Variants in NECTIN3 observed in about 807,000 individuals in gnomAD.
The protein encoded by NECTIN3 is nectin-3.
Under a neutral mutation model 49.4 loss-of-function variants are expected in NECTIN3, and 8 were observed. The observed-to-expected ratio is 0.16, with a 90% CI of 0.10 to 0.29. The LOEUF (loss-of-function observed/expected upper bound fraction) is 0.29. Ranked by LOEUF, NECTIN3 falls within the 10% of genes least tolerant of loss-of-function variation. The pLI, the probability that NECTIN3 is intolerant of heterozygous loss-of-function variation, is 1.00. For missense variants in NECTIN3, 581 were observed against 654.6 expected, an observed-to-expected ratio of 0.89 and a Z score of 1.23; for synonymous variants, 277 against 241.1, an observed-to-expected ratio of 1.15 and a Z score of -1.38.
chr3:111,072,262 C>G, intron 1 of NECTIN3, 85 bp downstream of exon 1: 1 of 1,474,280 alleles, frequency 6.8e-7, no homozygotes, highest in East Asian at 2.5e-5. Context: ...CAGCCGTTCT[C>G]TGGAGCAGCG....
chr3:111,154,307 A>G (rs556958862), intron 7 of NECTIN3, among the ~76,000 whole-genome samples: 25 of 152,228 alleles, frequency 1.6e-4, no homozygotes, highest in East Asian at 5.8e-4. Flanking sequence ...CTTTCACTCT[A>G]CATAGTGATT....
At chr3:111,093,430 T>G (rs1015166249) in intron 1 of NECTIN3, among the ~76,000 whole-genome samples, 5 of 150,818 alleles carry the variant, frequency 3.3e-5, no homozygotes, top group African/African-American at 9.7e-5. Flanking sequence ...TGTTGGGTTT[T>G]TTTTTTTTTT....
chr3:111,134,665 A>G lies in NECTIN3; in HGVS notation c.*450A>G, dbSNP rs1439487109. On this transcript the variant is annotated 3_prime_UTR_variant, in exon 6 of 6. Transcript: ENST00000485303. ...TGACACTGCATCAAAATTGACTATAAAACTAATTCAAGAAATATTTATATA... is the reference window on the plus strand; with the variant it reads ...TGACACTGCATCAAAATTGACTATAGAACTAATTCAAGAAATATTTATATA... The G allele has an allele frequency of 2.3e-6, 2 of 857,196 alleles. No homozygotes were observed. Among genetic ancestry groups the G allele is most frequent in the Admixed American group, 6.2e-5 (1 of 16,032 alleles). 53.1% of individuals were successfully genotyped at this position (857,196 alleles called of 1,614,324 possible). A position where few individuals can be genotyped will look rare whatever the true frequency, so the allele number is the denominator to read the frequency against.
intron 7 of NECTIN3, among the ~76,000 whole-genome samples, chr3:111,183,743 T>C (rs777909400): frequency 6.6e-6 from 1 of 152,186 alleles, no homozygotes; most frequent in Non-Finnish European, 1.5e-5. Flanking sequence ...GCTTTATTTC[T>C]CTGATTAAAC....
chr3:111,117,553 G>A (rs575468325), intron 2 of NECTIN3, among the ~76,000 whole-genome samples: 3 of 152,002 alleles, frequency 2.0e-5, no homozygotes, highest in Admixed American at 1.3e-4. Context: ...TCTTATGAAA[G>A]GAACTACATA....
chr3:111,171,190 C>T (rs900455569), intron 7 of NECTIN3, among the ~76,000 whole-genome samples: 6 of 152,174 alleles, frequency 3.9e-5, no homozygotes, highest in African/African-American at 1.4e-4. Flanking sequence ...TTCATTAGTG[C>T]CACCATCTAT....
intron 1 of NECTIN3, among the ~76,000 whole-genome samples, chr3:111,080,377 G>A (rs1199658324): frequency 6.6e-6 from 1 of 151,948 alleles, no homozygotes; most frequent in Non-Finnish European, 1.5e-5. Flanking sequence ...GGTGAAATTT[G>A]TATTTGGCAT....
chr3:111,185,081 G>T (rs1467444084), intron 7 of NECTIN3, among the ~76,000 whole-genome samples: 1 of 152,296 alleles, frequency 6.6e-6, no homozygotes, highest in East Asian at 1.9e-4. Flanking sequence ...TCTTTGCTCT[G>T]TGCATGCCCA....
In NECTIN3 at chr3:111,149,459, ATGTGTGTGTGTGTGTGTGTG is replaced by A. The variant is rs56219611; in HGVS notation, c.1221+2005_1221+2024del. 4.0e-3 allele frequency among the ~76,000 whole-genome samples: 518 copies of A among 128,402 alleles called. 2 individuals carry two copies. Among genetic ancestry groups the A allele is most frequent in the African/African-American group, 0.014 (492 of 36,038 alleles). The allele number at this position is 128,402 out of a possible 152,430, so 84.2% of individuals were successfully genotyped here. ...CCAGATAAGCCTCTATTCTGGTAGG[ATGTGTGTGTGTGTGTGTGTG>A]TGTGTGTGTGTGTGTGTGTGTGTGT... On this transcript the variant is annotated intron_variant, in intron 7 of 8. Coordinates refer to the NECTIN3 transcript ENST00000493615.
chr3:111,113,186 T>G (rs1001401480), intron 2 of NECTIN3, among the ~76,000 whole-genome samples: 1 of 152,158 alleles, frequency 6.6e-6, no homozygotes, highest in African/African-American at 2.4e-5. Flanking sequence ...GAGGCAGTGG[T>G]AGCCAGGGGT....
intron 1 of NECTIN3, among the ~76,000 whole-genome samples, chr3:111,075,400 C>T (rs1489140301): frequency 6.6e-6 from 1 of 151,868 alleles, no homozygotes; most frequent in Non-Finnish European, 1.5e-5. Context: ...GTTATTTAAC[C>T]TTGGAAACTT....
At chr3:111,172,290 A>G (rs2035448994) in intron 7 of NECTIN3, among the ~76,000 whole-genome samples, 1 of 152,144 alleles carries the variant, frequency 6.6e-6, no homozygotes, top group Non-Finnish European at 1.5e-5. Context: ...CACACATCAT[A>G]TATTGTTCTG....
At chr3:111,127,465 C>CTTTTTTTT (rs35153084) in intron 5 of NECTIN3, among the ~76,000 whole-genome samples, 3 of 101,160 alleles carry the variant, frequency 3.0e-5, no homozygotes, top group Non-Finnish European at 6.7e-5. Context: ...TGCAAACTTT[C>CTTTTTTTT]TTTTTTTTTT....
rs139502141 is a variant in NECTIN3, at chr3:111,133,776, C to A, written c.1211C>A (p.Thr404Lys). 1.2e-6 allele frequency: 2 copies of A among 1,613,952 alleles called. No individual in the cohort carries two copies. The highest frequency in any genetic ancestry group is 8.5e-7 in the Non-Finnish European group (1 of 1,179,876). Reference protein sequence around the residue: ...LATIKDDTIATIIASVVGGAL... With the variant: ...LATIKDDTIAKIIASVVGGAL... ...ACAATTAAGGATGACACAATTGCCA[C>A]GATCATTGCTAGTGTAGTGGGTGGG... is the stretch of plus-strand genomic sequence containing the variant. The change falls in exon 6 of 6, where the codon ACG becomes AAG. Residue 404 changes from threonine (T) to lysine (K), a missense_variant. Thr to Lys is a moderately conservative substitution (Grantham distance 78). Around this residue, in one of 3 missense-constraint regions of NECTIN3, gnomAD observed 238 missense variants for 244.9 expected, o/e 0.97. Coordinates refer to ENST00000485303, the MANE Select transcript of NECTIN3 (RefSeq NM_015480.3).
chr3:111,155,005 T>G (rs1317679008), intron 7 of NECTIN3, among the ~76,000 whole-genome samples: 1 of 152,164 alleles, frequency 6.6e-6, no homozygotes, highest in Non-Finnish European at 1.5e-5. Context: ...GGGTGCAATC[T>G]TGGCTCACTG....
At chr3:111,148,984 A>G (rs1335445243) in intron 7 of NECTIN3, among the ~76,000 whole-genome samples, 3 of 152,126 alleles carry the variant, frequency 2.0e-5, no homozygotes, top group Non-Finnish European at 4.4e-5. Flanking sequence ...TTAGAAAACT[A>G]ATAGTTTTAT....
At chr3:111,145,393 A>T (rs2034848940) in intron 6 of NECTIN3, among the ~76,000 whole-genome samples, 1 of 152,202 alleles carries the variant, frequency 6.6e-6, no homozygotes, top group Non-Finnish European at 1.5e-5. Flanking sequence ...TGAAGTTTTA[A>T]TGGCTTCTTC....
intron 7 of NECTIN3, among the ~76,000 whole-genome samples, chr3:111,154,948 C>CT (rs1272641291): frequency 6.6e-6 from 1 of 151,692 alleles, no homozygotes; most frequent in African/African-American, 2.4e-5. Context: ...TTAACAGTGA[C>CT]TTTTTTTTGA....
At position 111,133,769 on chromosome 3, in the gene NECTIN3, A is replaced by G. The variant is rs373638334; in HGVS notation, c.1204A>G (p.Ile402Val). 1.4e-5 allele frequency: 22 copies of G among 1,613,984 alleles called. No individual in the cohort carries two copies. The highest frequency in any genetic ancestry group is 1.6e-5 in the Non-Finnish European group (19 of 1,179,876). The stretch of plus-strand genomic sequence containing the variant: ...TTTGGCAACAATTAAGGATGACACA[A>G]TTGCCACGATCATTGCTAGTGTAGT... Reference protein sequence around the residue: ...STLATIKDDTIATIIASVVGG... With the variant: ...STLATIKDDTVATIIASVVGG... The change falls in exon 6 of 6, where the codon ATT (isoleucine) becomes GTT (valine). Residue 402 changes from isoleucine (I) to valine (V), a missense_variant. Coordinates refer to ENST00000485303, the MANE Select transcript of NECTIN3 (RefSeq NM_015480.3).
Sources: allele counts gnomAD v4.1 joint callset (sites outside exome capture counted in the v4.1 genomes callset), GRCh38; gene constraint gnomAD v4.1.1; regional missense constraint gnomAD v4.1.1; transcripts MANE v1.5; gene names NCBI Gene and HGNC (gene_info 2026-07-23, HGNC 2026-07-21).